The following DSCAML1 variants were observed in gnomAD, a reference collection of about 807,000 sequenced individuals.
DSCAML1 encodes the protein DS cell adhesion molecule like 1.
A neutral mutation model predicts 200.5 loss-of-function variants in DSCAML1; 38 were observed. The ratio of observed to expected loss-of-function variants is 0.19; its 90% CI spans 0.15 to 0.25. The LOEUF (loss-of-function observed/expected upper bound fraction) is 0.25, where lower values mean the gene tolerates loss of function less well. Ranked by LOEUF, DSCAML1 falls within the 10% of genes least tolerant of loss-of-function variation. The pLI is 1.00. For missense variants in DSCAML1, 2,223 were observed against 2,858.8 expected (o/e 0.78, Z 5.07); for synonymous variants, 1,215 against 1,165.0 (o/e 1.04, Z -0.87).
chr11:117,757,699 C>T (rs1048607945), intron 3 of DSCAML1, among the ~76,000 whole-genome samples: 9 of 151,952 alleles, frequency 5.9e-5, no homozygotes, highest in African/African-American at 9.7e-5. Flanking sequence ...TCCTTGTGGC[C>T]GGGCATGATG....
In DSCAML1 at chr11:117,521,086, G is replaced by A. The variant is rs77487956; in HGVS notation, c.1213+44C>T. 5,387 of 1,595,598 alleles carry A rather than the reference G, an allele frequency of 3.4e-3. 126 individuals carry two copies. The African/African-American group carries it at 0.058, about 17-fold the overall frequency. On this transcript the variant is annotated intron_variant, in intron 6 of 32. Coordinates refer to ENST00000651296, the MANE Select transcript of DSCAML1 (RefSeq NM_020693.4). Reference sequence around the variant, plus strand: ...TCAGCAGAAGGGAGGGAATGAGCTCGGCAGCCCTGAACCCGCCCCCTGTGT... The same window carrying A: ...TCAGCAGAAGGGAGGGAATGAGCTCAGCAGCCCTGAACCCGCCCCCTGTGT...
rs768426756 is a variant in DSCAML1 at position 117,437,275 on chromosome 11, A to C, written c.4567T>G (p.Trp1523Gly). 1.9e-6 allele frequency: 3 copies of C among 1,614,120 alleles called. No homozygotes were observed. Among genetic ancestry groups the C allele is most frequent in the Non-Finnish European group, 2.5e-6 (3 of 1,180,058 alleles). The change falls in exon 26 of 33, where the codon TGG (tryptophan) becomes GGG (glycine). Residue 1523 changes from tryptophan (W) to glycine (G), a missense_variant. By Grantham distance (184) the Trp-to-Gly change is radical (BLOSUM62 -2). Coordinates refer to ENST00000651296, the MANE Select transcript of DSCAML1 (RefSeq NM_020693.4). This position sits in a 1 kb window ranked among gnomAD's most constrained non-coding sequence, Gnocchi z 5.3. ...TTGGCCCGGAGGCCCTGCCAGGCCC[A>C]GGTCCCCTTGGGCCGGTACTCCAGA... is the stretch of plus-strand genomic sequence containing the variant. ...IVLEYRPKGTWAWQGLRANSS... is the reference protein window; with the variant it reads ...IVLEYRPKGTGAWQGLRANSS...
At chr11:117,622,101 A>T (rs964482956) in intron 3 of DSCAML1, among the ~76,000 whole-genome samples, 1 of 152,190 alleles carries the variant, frequency 6.6e-6, no homozygotes, top group African/African-American at 2.4e-5. Flanking sequence ...CCAGGCTTGG[A>T]TGTTTGCCAA....
chr11:117,627,619 C>T lies in DSCAML1; in HGVS notation c.512-95097G>A, dbSNP rs114433810. On this transcript the variant is annotated intron_variant, in intron 3 of 32. Transcript: ENST00000651296. ...TGCCCGTGGCTTGGTTCAGCTCCTC[C>T]GTAACTGAGCTCATCCTCACAGTGT... 4.7e-3 allele frequency among the ~76,000 whole-genome samples: 722 copies of T among 152,188 alleles called. 6 individuals are homozygous for T. Among genetic ancestry groups the T allele is most frequent in the African/African-American group, 0.016 (677 of 41,512 alleles).
rs1409069575 is a variant in DSCAML1 at position 117,480,974 on chromosome 11, G to A, written c.2656+200C>T. ...GCGGCTGTAGCCATTGCAAACTTTT[G>A]CTGTTTAAGTTCCTGGAAAGGTCTT... On this transcript the variant is annotated intron_variant, in intron 13 of 32. Coordinates refer to ENST00000651296, the MANE Select transcript of DSCAML1 (RefSeq NM_020693.4). The surrounding 1 kb of genome is among the most constrained non-coding windows in gnomAD (Gnocchi z 4.1). 6.6e-6 allele frequency among the ~76,000 whole-genome samples: 1 copy of A among 152,140 alleles called. No homozygotes were observed. Among genetic ancestry groups the A allele is most frequent in the Non-Finnish European group, 1.5e-5 (1 of 68,034 alleles).
chr11:117,599,734 C>T (rs1029266833), intron 3 of DSCAML1, among the ~76,000 whole-genome samples: 1 of 152,194 alleles, frequency 6.6e-6, no homozygotes, highest in African/African-American at 2.4e-5. Flanking sequence ...CTGGTTAGAC[C>T]AGAGGATGTC....
intron 27 of DSCAML1, among the ~76,000 whole-genome samples, chr11:117,434,048 G>A (rs1379685453): frequency 1.3e-5 from 2 of 152,206 alleles, no homozygotes; most frequent in Non-Finnish European, 2.9e-5. Flanking sequence ...ATTTGGAAGA[G>A]AGGAGAATTA....
At chr11:117,530,631 C>T (rs371666800) in intron 4 of DSCAML1, among the ~76,000 whole-genome samples, 1 of 152,162 alleles carries the variant, frequency 6.6e-6, no homozygotes, top group African/African-American at 2.4e-5. Flanking sequence ...AATCGGGAGC[C>T]GGGTTGTTGC....
intron 3 of DSCAML1, among the ~76,000 whole-genome samples, chr11:117,648,432 C>T (rs10892148): frequency 0.1 from 15,878 of 152,236 alleles, 1,150 homozygotes; most frequent in Non-Finnish European, 0.15. Flanking sequence ...CCTTGGATCA[C>T]GCAGCAGCCA....
In DSCAML1 at chr11:117,667,257, C is replaced by A. The variant is rs181154085; in HGVS notation, c.511+109534G>T. ...TGAAACCCTGTCTCTACTAAAAATA[C>A]AAAAATCAGCTGGGCGTGGTGGTGC... On this transcript the variant is annotated intron_variant, in intron 3 of 32. Coordinates refer to ENST00000651296, the MANE Select transcript of DSCAML1 (RefSeq NM_020693.4). Among the ~76,000 whole-genome samples, 459 of 152,196 alleles carry A rather than the reference C, an allele frequency of 3.0e-3. 1 individual carries two copies. Among genetic ancestry groups the A allele is most frequent in the African/African-American group, 0.01 (433 of 41,536 alleles).
chr11:117,505,586 T>C lies in DSCAML1; in HGVS notation c.1930A>G (p.Thr644Ala), dbSNP rs188044220. 6.2e-7 allele frequency: 1 copy of C among 1,613,818 alleles called. No homozygotes were observed. The highest frequency in any genetic ancestry group is 8.5e-7 in the Non-Finnish European group (1 of 1,180,008). ...GQVIISGSGVTIESKEFMSSL... is the reference protein window; with the variant it reads ...GQVIISGSGVAIESKEFMSSL... ...CTCATGAATTCCTTGCTCTCGATGG[T>C]CACGCCCGAGCCTGAGATGATCACC... The change falls in exon 9 of 33, where the codon ACC becomes GCC. Residue 644 changes from threonine (T) to alanine (A), a missense_variant. Transcript: ENST00000651296. The surrounding 1 kb of genome is among the most constrained non-coding windows in gnomAD (Gnocchi z 6.7).
At chr11:117,609,653 C>T (rs867075422) in intron 3 of DSCAML1, among the ~76,000 whole-genome samples, 31 of 152,228 alleles carry the variant, frequency 2.0e-4, no homozygotes, top group Middle Eastern at 3.4e-3. Context: ...TTTATTTGTT[C>T]TCCGAATTCT....
chr11:117,617,680 G>GCACACACACACACA (rs36207373), intron 3 of DSCAML1, among the ~76,000 whole-genome samples: 105 of 143,008 alleles, frequency 7.3e-4, no homozygotes, highest in Middle Eastern at 3.5e-3. Flanking sequence ...ACAGGTACAC[G>GCACACACACACACA]CACACACACA....
intron 15 of DSCAML1, 56 bp from the exon 16 acceptor site, chr11:117,470,036 G>T: frequency 6.7e-7 from 1 of 1,486,302 alleles, no homozygotes; most frequent in Non-Finnish European, 9.1e-7. Context: ...GAAGAGGAAG[G>T]GGTTCTATGT....
intron 11 of DSCAML1, among the ~76,000 whole-genome samples, chr11:117,492,408 C>T (rs2049199967): frequency 6.6e-6 from 1 of 152,184 alleles, no homozygotes; most frequent in South Asian, 2.1e-4. Flanking sequence ...CTCTTCTTTG[C>T]CTTCTGGGAG....
chr11:117,744,752 C>T (rs1321076666), intron 3 of DSCAML1, among the ~76,000 whole-genome samples: 1 of 152,260 alleles, frequency 6.6e-6, no homozygotes, highest in Admixed American at 6.5e-5. Context: ...CTCCATCCAG[C>T]ATGCCTGGCT....
At chr11:117,787,851 GT>G (rs2055388817) in intron 1 of DSCAML1, among the ~76,000 whole-genome samples, 1 of 152,142 alleles carries the variant, frequency 6.6e-6, no homozygotes. Flanking sequence ...GATTTGCAAG[GT>G]TGATTACTTC....
Position 117,504,823 on chromosome 11 carries a change from G to A in DSCAML1, c.2182+101C>T, listed in dbSNP as rs748619811. 2.3e-5 allele frequency: 34 copies of A among 1,453,308 alleles called. No individual in the cohort carries two copies. The highest frequency in any genetic ancestry group is 3.0e-5 in the Non-Finnish European group (33 of 1,096,382). 90.0% of individuals were successfully genotyped at this position (1,453,308 alleles called of 1,614,324 possible). On this transcript the variant is annotated intron_variant, in intron 10 of 32. Coordinates refer to ENST00000651296, the MANE Select transcript of DSCAML1 (RefSeq NM_020693.4). The surrounding 1 kb of genome is among the most constrained non-coding windows in gnomAD (Gnocchi z 5.0). ...TGCAGACCAGAGGACTCCCATCCAG[G>A]GATAGGAGTTGCCTGCATGGAACAG...
chr11:117,668,033 G>T lies in DSCAML1; in HGVS notation c.511+108758C>A, dbSNP rs73592651. Among the ~76,000 whole-genome samples, 1,260 of 152,302 alleles carry T rather than the reference G, an allele frequency of 8.3e-3. 11 individuals carry two copies. Among genetic ancestry groups the T allele is most frequent in the African/African-American group, 0.027 (1,131 of 41,550 alleles). ...ACCATTCGCATTATTATGCACTGAG[G>T]GTTTTATACACATGGTCCCCTTTAT... On this transcript the variant is annotated intron_variant, in intron 3 of 32. Coordinates refer to ENST00000651296, the MANE Select transcript of DSCAML1 (RefSeq NM_020693.4).
Sources: gnomAD v4.1 joint callset for allele counts (sites outside exome capture counted in the v4.1 genomes callset) on GRCh38, gnomAD v4.1.1 for gene constraint, Gnocchi (gnomAD v3.1) non-coding constraint, MANE v1.5 for transcripts, NCBI Gene and HGNC (gene_info 2026-07-23, HGNC 2026-07-21) for gene names.